The following MAGI2 variants were observed in gnomAD, a reference collection of about 807,000 sequenced individuals.
MAGI2 encodes membrane-associated guanylate kinase, WW and PDZ domain-containing protein 2.
MAGI2 carries 35 observed loss-of-function variants against 133.3 expected under a neutral mutation model. The ratio of observed to expected loss-of-function variants is 0.26; its 90% confidence interval spans 0.20 to 0.35. MAGI2 has a LOEUF of 0.35. Among genes scored for constraint, MAGI2 ranks in the 10% least tolerant of loss-of-function variants. The pLI, the probability that MAGI2 is intolerant of heterozygous loss-of-function variation, is 1.00. For synonymous variants in MAGI2, 729 were observed against 710.6 expected, an observed-to-expected ratio of 1.03 and a Z score of -0.41; for missense variants, 1,636 against 1,863.4, an observed-to-expected ratio of 0.88 and a Z score of 2.25.
intron 1 of MAGI2, among the ~76,000 whole-genome samples, chr7:79,119,761 A>C (rs1819725692): frequency 6.6e-6 from 1 of 152,044 alleles, no homozygotes. Context: ...GGGAAGGGCA[A>C]GAAAGAAGAG....
chr7:78,470,849 C>A (rs1791124037), intron 6 of MAGI2, among the ~76,000 whole-genome samples: 1 of 152,068 alleles, frequency 6.6e-6, no homozygotes, highest in Non-Finnish European at 1.5e-5. Context: ...GCTGTCATTT[C>A]AATGAGATAA....
intron 9 of MAGI2, among the ~76,000 whole-genome samples, chr7:78,337,360 C>A (rs1789880272): frequency 6.6e-6 from 1 of 152,176 alleles, no homozygotes; most frequent in Non-Finnish European, 1.5e-5. Flanking sequence ...CAAAGGCACA[C>A]TGCCCTCATT....
At chr7:78,702,153 C>T (rs1044646929) in intron 2 of MAGI2, among the ~76,000 whole-genome samples, 2 of 151,994 alleles carry the variant, frequency 1.3e-5, no homozygotes, top group African/African-American at 4.8e-5. Context: ...AAAACATTCA[C>T]AGTACACATG....
chr7:78,058,801 C>A (rs1812929042), intron 21 of MAGI2, among the ~76,000 whole-genome samples: 1 of 152,132 alleles, frequency 6.6e-6, no homozygotes, highest in African/African-American at 2.4e-5. Context: ...GATGAGTAGA[C>A]CAAGGTCCAG....
chr7:78,644,397 C>G (rs75656585), intron 2 of MAGI2, among the ~76,000 whole-genome samples: 1 of 151,888 alleles, frequency 6.6e-6, no homozygotes, highest in African/African-American at 2.4e-5. Context: ...TAAAGATAGA[C>G]CATATTCTTG....
chr7:78,679,808 C>T (rs896612107), intron 2 of MAGI2, among the ~76,000 whole-genome samples: 1 of 152,010 alleles, frequency 6.6e-6, no homozygotes, highest in African/African-American at 2.4e-5. Context: ...TTCATTTTAA[C>T]AAAACATAAG....
chr7:78,294,864 A>T (rs1032493795), intron 9 of MAGI2, among the ~76,000 whole-genome samples: 3 of 152,174 alleles, frequency 2.0e-5, no homozygotes, highest in African/African-American at 7.2e-5. Flanking sequence ...TCGGTACAAT[A>T]GTTACTGAAA....
chr7:79,313,122 A>G (rs955560065), intron 1 of MAGI2, among the ~76,000 whole-genome samples: 1 of 149,706 alleles, frequency 6.7e-6, no homozygotes, highest in Non-Finnish European at 1.5e-5. Context: ...AGGTAAAACT[A>G]TATGGCTCAC....
chr7:78,618,027 A>G (rs951439639), intron 3 of MAGI2: 1 of 152,058 alleles, frequency 6.6e-6, no homozygotes, highest in Non-Finnish European at 1.5e-5. Flanking sequence ...TGACTTTTAT[A>G]TAATAGGACA....
At chr7:78,649,696 C>T (rs1301485764) in intron 2 of MAGI2, among the ~76,000 whole-genome samples, 2 of 152,144 alleles carry the variant, frequency 1.3e-5, no homozygotes, top group Admixed American at 1.3e-4. Context: ...GTCTATAAAG[C>T]CCCATGTTTT....
At chr7:78,065,859 G>A (rs1377413735) in intron 21 of MAGI2, among the ~76,000 whole-genome samples, 1 of 152,196 alleles carries the variant, frequency 6.6e-6, no homozygotes, top group Non-Finnish European at 1.5e-5. Flanking sequence ...ATTAGTGAAA[G>A]ACTGAGCTAT....
intron 2 of MAGI2, among the ~76,000 whole-genome samples, chr7:78,810,116 T>C (rs1298488010): frequency 4.6e-5 from 7 of 152,148 alleles, no homozygotes; most frequent in African/African-American, 1.7e-4. Flanking sequence ...TGTGTTTTTC[T>C]TTTTTAGGAA....
intron 3 of MAGI2, among the ~76,000 whole-genome samples, chr7:78,559,846 T>C (rs919473108): frequency 1.3e-5 from 2 of 152,128 alleles, no homozygotes; most frequent in Admixed American, 6.6e-5. Flanking sequence ...CAAACATGTA[T>C]GTGTGTGTGT....
At chr7:79,053,860 A>G (rs1249291716) in intron 1 of MAGI2, among the ~76,000 whole-genome samples, 1 of 152,238 alleles carries the variant, frequency 6.6e-6, no homozygotes, top group Non-Finnish European at 1.5e-5. Context: ...ACAAAGAAGC[A>G]TGACTAAATC....
At chr7:78,693,252 A>G (rs1817156330) in intron 2 of MAGI2, among the ~76,000 whole-genome samples, 1 of 152,216 alleles carries the variant, frequency 6.6e-6, no homozygotes. Context: ...TGTAAAGCAC[A>G]TAATATAGTG....
At chr7:78,515,701 G>C (rs1173841367) in intron 4 of MAGI2, among the ~76,000 whole-genome samples, 1 of 152,148 alleles carries the variant, frequency 6.6e-6, no homozygotes, top group Non-Finnish European at 1.5e-5. Context: ...AGGATTTCAA[G>C]ACCAGCCTGA....
At chr7:78,141,408 C>T (rs1822735216) in intron 16 of MAGI2, among the ~76,000 whole-genome samples, 1 of 152,090 alleles carries the variant, frequency 6.6e-6, no homozygotes, top group Admixed American at 6.6e-5. Flanking sequence ...TGTGACAAAC[C>T]CATTCAGATA....
intron 2 of MAGI2, among the ~76,000 whole-genome samples, chr7:78,826,360 A>G (rs896408827): frequency 1.3e-5 from 2 of 151,540 alleles, no homozygotes; most frequent in Non-Finnish European, 2.9e-5. Flanking sequence ...CTAAAAAAAA[A>G]AAAAAAAAAA....
chr7:78,358,450 T>G (rs966510393), intron 7 of MAGI2: 4 of 154,016 alleles, frequency 2.6e-5, no homozygotes, highest in African/African-American at 9.7e-5. Context: ...AATTAAAGTA[T>G]CTGGCCTTCC....
Sources: gnomAD v4.1 joint callset for allele counts (sites outside exome capture counted in the v4.1 genomes callset) on GRCh38, gnomAD v4.1.1 for gene constraint, MANE v1.5 for transcripts, NCBI Gene and HGNC (gene_info 2026-07-23, HGNC 2026-07-21) for gene names.